Variants in ABCC4 observed in about 807,000 individuals in gnomAD.
ABCC4 encodes ATP-binding cassette sub-family C member 4.
Under a neutral mutation model 168.5 loss-of-function variants are expected in ABCC4, and 102 were observed. The observed-to-expected ratio is 0.61, with a 90% CI of 0.52 to 0.71. The LOEUF (loss-of-function observed/expected upper bound fraction) is 0.71, where lower values mean the gene tolerates loss of function less well. ABCC4 is among the 30% of genes least tolerant of loss of function. The pLI is 0.00. For synonymous variants in ABCC4, 617 were observed against 590.7 expected (o/e 1.04, Z -0.65); for missense variants, 1,402 against 1,605.8 (o/e 0.87, Z 2.17).
At chr13:95,034,538 G>A in intron 30 of ABCC4, 67 bp downstream of exon 30, 1 of 1,558,234 alleles carries the variant, frequency 6.4e-7, no homozygotes, top group Admixed American at 2.0e-5. Flanking sequence ...CCATACCCAT[G>A]GTGCCAAATT....
intron 20 of ABCC4, among the ~76,000 whole-genome samples, chr13:95,112,679 T>G (rs2035245786): frequency 6.6e-6 from 1 of 152,178 alleles, no homozygotes; most frequent in South Asian, 2.1e-4. Context: ...CAAAGAAATT[T>G]CCAGTTTTTT....
intron 20 of ABCC4, among the ~76,000 whole-genome samples, chr13:95,109,956 T>C (rs1204302968): frequency 6.6e-6 from 1 of 151,790 alleles, no homozygotes; most frequent in Non-Finnish European, 1.5e-5. Flanking sequence ...CAGCATATAG[T>C]AGGAGCTCAA....
At position 95,116,544 on chromosome 13, in the gene ABCC4, G is replaced by A. The variant is rs191247071; in HGVS notation, c.2456-543C>T. On this transcript the variant is annotated intron_variant, in intron 19 of 30. Coordinates refer to ENST00000645237, the MANE Select transcript of ABCC4 (RefSeq NM_005845.5). ...TTTTCCAGGCTGTGAGTTTACTACTGGCAAACAAGTTGTCATTTTCAGATG... is the reference window on the plus strand; with the variant it reads ...TTTTCCAGGCTGTGAGTTTACTACTAGCAAACAAGTTGTCATTTTCAGATG... 1.6e-3 allele frequency among the ~76,000 whole-genome samples: 243 copies of A among 152,054 alleles called. 1 individual carries two copies. The highest frequency in any genetic ancestry group is 2.0e-3 in the Non-Finnish European group (133 of 67,998).
At chr13:95,120,567 CAAAA>C (rs35906536) in intron 19 of ABCC4, among the ~76,000 whole-genome samples, 13 of 90,838 alleles carry the variant, frequency 1.4e-4, no homozygotes, top group Admixed American at 2.6e-4. Flanking sequence ...GAGACTCCGT[CAAAA>C]AAAAAAAAAA....
intron 20 of ABCC4, among the ~76,000 whole-genome samples, chr13:95,115,198 C>T (rs557363277): frequency 1.3e-5 from 2 of 149,616 alleles, no homozygotes; most frequent in South Asian, 2.1e-4. Flanking sequence ...AGAGATGACC[C>T]AATATTATTT....
chr13:95,025,263 C>CCCACACACA (rs2031405195), intron 30 of ABCC4, among the ~76,000 whole-genome samples: 3 of 58,790 alleles, frequency 5.1e-5, no homozygotes, highest in African/African-American at 1.7e-4. Flanking sequence ...ACACACACAC[C>CCCACACACA]CCCACACCCC....
intron 19 of ABCC4, among the ~76,000 whole-genome samples, chr13:95,149,732 T>G (rs983245502): frequency 3.3e-5 from 5 of 152,226 alleles, no homozygotes; most frequent in African/African-American, 1.2e-4. Context: ...CTGCTTCAAC[T>G]ATATTCCCTG....
intron 19 of ABCC4, among the ~76,000 whole-genome samples, chr13:95,153,704 AT>A (rs1484044569): frequency 6.6e-6 from 1 of 152,156 alleles, no homozygotes; most frequent in Non-Finnish European, 1.5e-5. Flanking sequence ...TCCATGTATG[AT>A]TTATTATGGA....
chr13:95,101,874 T>C (rs1274264003), intron 20 of ABCC4, among the ~76,000 whole-genome samples: 1 of 152,248 alleles, frequency 6.6e-6, no homozygotes, highest in East Asian at 1.9e-4. Flanking sequence ...TGTCAGGCTA[T>C]TTCTCCCACT....
chr13:95,072,176 G>A (rs954905533), intron 24 of ABCC4, among the ~76,000 whole-genome samples: 1 of 152,176 alleles, frequency 6.6e-6, no homozygotes, highest in East Asian at 1.9e-4. Context: ...AGAATCTTTT[G>A]CTGGCTGGGC....
intron 26 of ABCC4, among the ~76,000 whole-genome samples, chr13:95,054,654 G>A (rs992287947): frequency 9.2e-5 from 14 of 152,214 alleles, no homozygotes; most frequent in Non-Finnish European, 1.8e-4. Context: ...TTCAAGGATA[G>A]GGGCAGAACA....
intron 11 of ABCC4, among the ~76,000 whole-genome samples, chr13:95,184,286 C>A (rs933140408): frequency 6.6e-6 from 1 of 152,236 alleles, no homozygotes; most frequent in Admixed American, 6.5e-5. Context: ...GCTGGGTGAC[C>A]TGGGACCTGG....
chr13:95,210,725 A>G lies in ABCC4; in HGVS notation c.588T>C (p.Asn196=), dbSNP rs2038929933. 6.2e-7 allele frequency: 1 copy of G among 1,614,206 alleles called. No individual in the cohort carries two copies. The highest frequency in any genetic ancestry group is 8.5e-7 in the Non-Finnish European group (1 of 1,180,028). The part of the protein sequence containing the change: ...MGKTTTGQIV[N]LLSNDVNKFD... ...ACTTGTTCACATCATTGGACAGCAG[A>G]TTGACTATCTGGCCTGTGGTTGTCT... is the stretch of plus-strand genomic sequence containing the variant. The change falls in exon 5 of 31, where the codon AAT becomes AAC. Residue 196 remains asparagine (N), a synonymous_variant. Coordinates refer to ENST00000645237, the MANE Select transcript of ABCC4 (RefSeq NM_005845.5).
chr13:95,231,379 A>G (rs753074394), intron 4 of ABCC4, among the ~76,000 whole-genome samples: 15 of 152,254 alleles, frequency 9.9e-5, no homozygotes, highest in Admixed American at 3.3e-4. Flanking sequence ...TAAATAAATG[A>G]CGAGTCATTT....
chr13:95,281,299 CAAAAAAAAAAAAAA>C lies in ABCC4; in HGVS notation c.74+19928_74+19941del, dbSNP rs10541756. Reference sequence around the variant, plus strand: ...CACTCCTGGGCGACAGAGACTCTCTCAAAAAAAAAAAAAAAAAAAAAAAAAGAGAGAGAGAAAGT... The same window carrying C: ...CACTCCTGGGCGACAGAGACTCTCTCAAAAAAAAAAAGAGAGAGAGAAAGT... On this transcript the variant is annotated intron_variant, in intron 1 of 30. Coordinates refer to ENST00000645237, the MANE Select transcript of ABCC4 (RefSeq NM_005845.5). Among the ~76,000 whole-genome samples the C allele has an allele frequency of 2.7e-4, 13 of 48,732 alleles. No individual in the cohort carries two copies. The East Asian group carries it at 4.6e-3, about 17-fold the overall frequency. 32.0% of individuals were successfully genotyped at this position (48,732 alleles called of 152,430 possible). A position where few individuals can be genotyped will look rare whatever the true frequency, so the allele number is the denominator to read the frequency against.
chr13:95,206,053 C>T (rs2038770274), intron 8 of ABCC4, among the ~76,000 whole-genome samples: 1 of 152,142 alleles, frequency 6.6e-6, no homozygotes, highest in African/African-American at 2.4e-5. Context: ...AGGAAAACAT[C>T]TACAGAGGAA....
intron 30 of ABCC4, among the ~76,000 whole-genome samples, chr13:95,032,329 G>C (rs770233346): frequency 6.6e-6 from 1 of 152,180 alleles, no homozygotes; most frequent in Non-Finnish European, 1.5e-5. Flanking sequence ...GTGCACATCT[G>C]ACACATATCA....
In ABCC4 at chr13:95,194,942, AGAAAATGG is replaced by A; in HGVS notation, c.1162-13_1162-6del. 1 of 1,610,594 alleles carries A rather than the reference AGAAAATGG, an allele frequency of 6.2e-7. No homozygotes were observed. The highest frequency in any genetic ancestry group is 1.1e-5 in the South Asian group (1 of 90,074). On this transcript the variant is annotated splice_polypyrimidine_tract_variant and splice_region_variant and intron_variant, in intron 8 of 30. Transcript: ENST00000645237. The stretch of plus-strand genomic sequence containing the variant: ...CTCATCAAGTAGCAAAAAGGTCTAA[AGAAAATGG>A]GAAAAACACAGATTGTTTAAATTAC...
At chr13:95,263,996 A>G (rs918653841) in intron 1 of ABCC4, among the ~76,000 whole-genome samples, 8 of 152,224 alleles carry the variant, frequency 5.3e-5, no homozygotes, top group African/African-American at 1.9e-4. Context: ...TTGTGCCACA[A>G]AAGTAATGAA....
Sources: gnomAD v4.1 joint callset for allele counts (sites outside exome capture counted in the v4.1 genomes callset) on GRCh38, gnomAD v4.1.1 for gene constraint, MANE v1.5 for transcripts, NCBI Gene and HGNC (gene_info 2026-07-23, HGNC 2026-07-21) for gene names.